The following CCT4 variants were observed in gnomAD, a reference collection of about 807,000 sequenced individuals.
The protein encoded by CCT4 is chaperonin containing TCP1 subunit 4.
A neutral mutation model predicts 62.5 loss-of-function variants in CCT4; 17 were observed. The ratio of observed to expected loss-of-function variants is 0.27; its 90% CI spans 0.19 to 0.41. The LOEUF is 0.41. Ranked by LOEUF, CCT4 falls within the 10% of genes least tolerant of loss-of-function variation. The pLI is 1.00. For missense variants in CCT4, 592 were observed against 659.2 expected, an observed-to-expected ratio of 0.90 and a Z score of 1.12; for synonymous variants, 250 against 229.9, an observed-to-expected ratio of 1.09 and a Z score of -0.79.
At position 61,878,976 on chromosome 2, in the gene CCT4, T is replaced by C. The variant is rs1669055800; in HGVS notation, c.415A>G (p.Lys139Glu). 6.2e-7 allele frequency: 1 copy of C among 1,609,796 alleles called. No homozygotes were observed. The highest frequency in any genetic ancestry group is 1.7e-5 in the Admixed American group (1 of 58,816). ...HPTIISESFQ[K>E]ALEKGIEILT... Reference sequence around the variant, plus strand: ...ATTTCAATGCCCTTTTCCAGGGCCTTCTGGAATGACTCAGAAATGATGGTT... The same window carrying C: ...ATTTCAATGCCCTTTTCCAGGGCCTCCTGGAATGACTCAGAAATGATGGTT... The change falls in exon 5 of 14, where the codon AAG (lysine) becomes GAG (glutamate). Residue 139 changes from lysine (K) to glutamate (E), a missense_variant. This residue lies in a region of CCT4 where 522 missense variants were observed against 571.2 expected (regional missense o/e 0.91). Transcript: ENST00000394440.
In CCT4 at chr2:61,881,712, T is replaced by C. The variant is rs573007988; in HGVS notation, c.271-1318A>G. Among the ~76,000 whole-genome samples the C allele has an allele frequency of 2.6e-5, 4 of 152,266 alleles. 1 individual carries two copies. Among genetic ancestry groups the C allele is most frequent in the African/African-American group, 9.6e-5 (4 of 41,566 alleles). On this transcript the variant is annotated intron_variant, in intron 3 of 13. Coordinates refer to ENST00000394440, the MANE Select transcript of CCT4 (RefSeq NM_006430.4). ...TAATTTTATCTTTTTTCATGTAATGTTTCATTAGTGTTTTTCCTCATAAAA... is the reference window on the plus strand; with the variant it reads ...TAATTTTATCTTTTTTCATGTAATGCTTCATTAGTGTTTTTCCTCATAAAA...
Position 61,883,460 on chromosome 2 carries a change from A to G in CCT4, c.269T>C (p.Met90Thr), listed in dbSNP as rs1458057583. 1 of 1,483,828 alleles carries G rather than the reference A, an allele frequency of 6.7e-7. No homozygotes were observed. Among genetic ancestry groups the G allele is most frequent in the East Asian group, 2.3e-5 (1 of 44,182 alleles). 91.9% of individuals were successfully genotyped at this position (1,483,828 alleles called of 1,614,324 possible). A position where few individuals can be genotyped will look rare whatever the true frequency, so the allele number is the denominator to read the frequency against. ...AGACTCACCTAAAATTACACTTACC[A>G]TTCTGGCTGCTGGATGTAATACTTG... The part of the protein sequence containing the change: ...QMQVLHPAAR[M>T]LVELSKAQDI... Residue 90 changes from methionine to threonine, a missense_variant and splice_region_variant, in exon 3 of 14, where the codon ATG (methionine) becomes ACG (threonine). Around this residue, in one of 3 missense-constraint regions of CCT4, gnomAD observed 522 missense variants for 571.2 expected, o/e 0.91. Transcript: ENST00000394440.
rs371610277 is a variant in CCT4, at chr2:61,877,045, T to C, written c.652A>G (p.Ile218Val). ...IKIVKKLGGTIDDCELVEGLV... is the reference protein window; with the variant it reads ...IKIVKKLGGTVDDCELVEGLV... Reference sequence around the variant, plus strand: ...CCTTCCACCAACTCACAGTCATCAATTGTCCCACTAAGGATAAAAGAAAAC... The same window carrying C: ...CCTTCCACCAACTCACAGTCATCAACTGTCCCACTAAGGATAAAAGAAAAC... Residue 218 changes from isoleucine to valine, a missense_variant, in exon 7 of 14, where the codon ATT becomes GTT. Ile to Val is a conservative substitution (Grantham distance 29, BLOSUM62 3). Transcript: ENST00000394440. 7.4e-6 allele frequency: 12 copies of C among 1,613,260 alleles called. No homozygotes were observed. Among genetic ancestry groups the C allele is most frequent in the Admixed American group, 6.7e-5 (4 of 59,906 alleles).
intron 11 of CCT4, 50 bp from the exon 12 acceptor site, chr2:61,872,366 T>A (rs1444640261): frequency 2.0e-5 from 28 of 1,434,736 alleles, no homozygotes; most frequent in Non-Finnish European, 2.5e-5. Flanking sequence ...AAGAAAATTA[T>A]TTTTAATAAT....
At position 61,880,400 on chromosome 2, in the gene CCT4, T is replaced by A. The variant is rs765682453; in HGVS notation, c.271-6A>T. On this transcript the variant is annotated splice_polypyrimidine_tract_variant and splice_region_variant and intron_variant, in intron 3 of 13. Transcript: ENST00000394440. ...GCCTTAGACAGCTCCACCAGCTAAG[T>A]GAACAGAAAATGCCAAGTTGCTCAA... 18 of 1,561,838 alleles carry A rather than the reference T, an allele frequency of 1.2e-5. No homozygotes were observed. The highest frequency in any genetic ancestry group is 1.5e-5 in the Non-Finnish European group (17 of 1,141,326).
intron 12 of CCT4, among the ~76,000 whole-genome samples, chr2:61,870,208 C>T (rs552767050): frequency 7.9e-5 from 12 of 151,698 alleles, no homozygotes; most frequent in South Asian, 4.2e-4. Flanking sequence ...ACCCAGGAGG[C>T]GGAGTGCAGT....
chr2:61,875,354 GGATCATGAGGT>G (rs951089379), intron 8 of CCT4, among the ~76,000 whole-genome samples: 3 of 151,902 alleles, frequency 2.0e-5, no homozygotes, highest in African/African-American at 7.3e-5. Flanking sequence ...TGAGGCGGGT[GGATCATGAGGT>G]CAGGAGATCG....
At chr2:61,883,434 A>AT in intron 3 of CCT4, 25 bp downstream of exon 3, 5 of 1,142,744 alleles carry the variant, frequency 4.4e-6, no homozygotes, top group African/African-American at 1.6e-5. Context: ...AAAAAAAAAA[A>AT]AGACTCACCT....
At chr2:61,884,154 T>C (rs115119385) in intron 2 of CCT4, among the ~76,000 whole-genome samples, 267 of 152,334 alleles carry the variant, frequency 1.8e-3, no homozygotes, top group African/African-American at 5.6e-3. Flanking sequence ...GGATTTATAA[T>C]AGTTTCCACT....
chr2:61,883,050 C>G (rs1328465988), intron 3 of CCT4, among the ~76,000 whole-genome samples: 2 of 152,098 alleles, frequency 1.3e-5, no homozygotes, highest in African/African-American at 2.4e-5. Context: ...CTGTTCAGCA[C>G]GAAAAGTGTT....
Position 61,872,557 on chromosome 2 carries a change from A to G in CCT4, c.1157T>C (p.Val386Ala), listed in dbSNP as rs1230734615. Residue 386 changes from valine to alanine, a missense_variant, in exon 11 of 14, where the codon GTT becomes GCT. Coordinates refer to ENST00000394440, the MANE Select transcript of CCT4 (RefSeq NM_006430.4). ...GTTAGAACCACGAACAACAATTGTAACTGTTTTTCCAGGGCTGGCACAGCC... is the reference window on the plus strand; with the variant it reads ...GTTAGAACCACGAACAACAATTGTAGCTGTTTTTCCAGGGCTGGCACAGCC... Reference protein sequence around the residue: ...ITGCASPGKTVTIVVRGSNKL... With the variant: ...ITGCASPGKTATIVVRGSNKL... 6.2e-6 allele frequency: 10 copies of G among 1,613,974 alleles called. No individual in the cohort carries two copies. The highest frequency in any genetic ancestry group is 8.5e-6 in the Non-Finnish European group (10 of 1,179,930).
chr2:61,886,338 G>C (rs1242375662), intron 1 of CCT4, among the ~76,000 whole-genome samples: 1 of 152,156 alleles, frequency 6.6e-6, no homozygotes, highest in Non-Finnish European at 1.5e-5. Context: ...CTTGAACCCA[G>C]GAGGCAGAAG....
intron 12 of CCT4, among the ~76,000 whole-genome samples, chr2:61,870,139 T>C (rs948657119): frequency 6.6e-6 from 1 of 151,586 alleles, no homozygotes; most frequent in Non-Finnish European, 1.5e-5. Context: ...TAGCCAGGCG[T>C]GGTGGCATGC....
chr2:61,881,889 A>T (rs532827662), intron 3 of CCT4, among the ~76,000 whole-genome samples: 27 of 147,806 alleles, frequency 1.8e-4, no homozygotes, highest in South Asian at 6.4e-4. Flanking sequence ...AAAATTTTTT[A>T]AAAGCCATCT....
Position 61,888,595 on chromosome 2 carries a change from A to G in CCT4, c.-88T>C. 2 of 1,456,392 alleles carry G rather than the reference A, an allele frequency of 1.4e-6. No individual in the cohort carries two copies. Among genetic ancestry groups the G allele is most frequent in the Non-Finnish European group, 1.8e-6 (2 of 1,086,980 alleles). 90.2% of individuals were successfully genotyped at this position (1,456,392 alleles called of 1,614,324 possible). On this transcript the variant is annotated 5_prime_UTR_variant, in exon 1 of 14. Transcript: ENST00000394440. ...CGCAGTGTAATAACGGTAAGCCCTC[A>G]CTGCCTTCACGAACCTTCCAGAAAG...
rs1474464480 is a variant in CCT4, at chr2:61,876,242, G to C, written c.778-8C>G. The C allele has an allele frequency of 1.9e-6, 3 of 1,568,260 alleles. No individual in the cohort carries two copies. Among genetic ancestry groups the C allele is most frequent in the Admixed American group, 1.9e-5 (1 of 51,638 alleles). On this transcript the variant is annotated splice_polypyrimidine_tract_variant and splice_region_variant and intron_variant, in intron 7 of 13. Transcript: ENST00000394440. ...CACTATTTGATTATCCATCTGTTCAGAAAAAGAACATCATAATTTGCATTG... is the reference window on the plus strand; with the variant it reads ...CACTATTTGATTATCCATCTGTTCACAAAAAGAACATCATAATTTGCATTG...
Position 61,883,676 on chromosome 2 carries a change from C to T in CCT4, c.181-128G>A, listed in dbSNP as rs551824707. 128 of 601,614 alleles carry T rather than the reference C, an allele frequency of 2.1e-4. 2 individuals carry two copies. In the South Asian group the frequency reaches 2.4e-3, roughly 11 times the overall value. 37.3% of individuals were successfully genotyped at this position (601,614 alleles called of 1,614,324 possible). ...CTTAATTTTAAATTCTCTTCCCTTA[C>T]ATTAGCATAATAGTTTAAGAATACG... is the stretch of plus-strand genomic sequence containing the variant. On this transcript the variant is annotated intron_variant, in intron 2 of 13. Transcript: ENST00000394440.
At position 61,888,464 on chromosome 2, in the gene CCT4, G is replaced by T; in HGVS notation, c.44C>A (p.Ala15Asp). Residue 15 changes from alanine (A) to aspartate (D), a missense_variant, in exon 1 of 14, where the codon GCT becomes GAT. Physicochemically the swap from Ala to Asp is moderately radical, Grantham distance 126 (BLOSUM62 -2). Transcript: ENST00000394440. ...VAPRSGATAG[A>D]AGGRGKGAYQ... ...GGCGCCTTTCCCGCGGCCGCCGGCA[G>T]CCCCGGCAGTCGCCCCGCTCCGGGG... 6.2e-7 allele frequency: 1 copy of T among 1,611,978 alleles called. No homozygotes were observed. Among genetic ancestry groups the T allele is most frequent in the South Asian group, 1.1e-5 (1 of 90,912 alleles).
chr2:61,877,109 T>C, intron 6 of CCT4, 57 bp from the exon 7 acceptor site: 3 of 1,450,244 alleles, frequency 2.1e-6, no homozygotes, highest in South Asian at 1.2e-5. Context: ...ATCTGTACGT[T>C]TAATAGATGA....
Sources: allele counts gnomAD v4.1 joint callset (sites outside exome capture counted in the v4.1 genomes callset), GRCh38; gene constraint gnomAD v4.1.1; regional missense constraint gnomAD v4.1.1; transcripts MANE v1.5; gene names NCBI Gene and HGNC (gene_info 2026-07-23, HGNC 2026-07-21).